Variants in TENM2 observed in about 807,000 individuals in gnomAD.
TENM2 encodes the protein teneurin transmembrane protein 2.
TENM2 carries 52 observed loss-of-function variants against 245.2 expected under a neutral mutation model. The observed-to-expected ratio is 0.21, with a 90% CI of 0.17 to 0.27. The LOEUF (loss-of-function observed/expected upper bound fraction) is 0.27. Among genes scored for constraint, TENM2 ranks in the 10% least tolerant of loss-of-function variants. The pLI is 1.00. For synonymous variants in TENM2, 1,363 were observed against 1,438.9 expected, an observed-to-expected ratio of 0.95 and a Z score of 1.19; for missense variants, 3,046 against 3,666.8, an observed-to-expected ratio of 0.83 and a Z score of 4.37.
intron 2 of TENM2, among the ~76,000 whole-genome samples, chr5:167,524,206 G>A (rs58573019): frequency 0.022 from 3,273 of 152,048 alleles, 137 homozygotes; most frequent in African/African-American, 0.075. Flanking sequence ...TAATACAAAG[G>A]GAGAAAATTG....
chr5:167,250,578 C>G, the TENM2 span, among the ~76,000 whole-genome samples: 1 of 151,918 alleles, frequency 6.6e-6, no homozygotes, highest in African/African-American at 2.4e-5. Context: ...ATGATTTTAT[C>G]TGATGGAGCT....
intron 2 of TENM2, among the ~76,000 whole-genome samples, chr5:167,848,155 C>A (rs1212595665): frequency 1.3e-5 from 2 of 152,160 alleles, no homozygotes. Context: ...CTTCAGTGGA[C>A]TACAATGAAT....
At chr5:168,115,156 T>A (rs1794955856) in intron 9 of TENM2, among the ~76,000 whole-genome samples, 1 of 152,004 alleles carries the variant, frequency 6.6e-6, no homozygotes, top group South Asian at 2.1e-4. Context: ...TAGCCGGGCA[T>A]GGTAGCAGGC....
In TENM2 at chr5:167,824,875, T is replaced by A. The variant is rs1403741679; in HGVS notation, c.503-51111T>A. Among the ~76,000 whole-genome samples, 3 of 152,308 alleles carry A rather than the reference T, an allele frequency of 2.0e-5. No homozygotes were observed. The East Asian group carries it at 5.8e-4, about 29-fold the overall frequency. Reference sequence around the variant, plus strand: ...CCCTGTGTGAGCCAAACTAACGCCATGTGCATGTTTCAGATGGAGTCTGGG... The same window carrying A: ...CCCTGTGTGAGCCAAACTAACGCCAAGTGCATGTTTCAGATGGAGTCTGGG... On this transcript the variant is annotated intron_variant, in intron 2 of 28. Coordinates refer to ENST00000518659, the Ensembl canonical transcript of TENM2.
rs1054684636 is a variant in TENM2 at position 168,227,788 on chromosome 5, A to AAAG, written c.5285-106_5285-104dup. 113 of 708,262 alleles carry AAAG rather than the reference A, an allele frequency of 1.6e-4. No individual in the cohort carries two copies. The African/African-American group carries it at 1.8e-3, about 11-fold the overall frequency. 43.9% of individuals were successfully genotyped at this position (708,262 alleles called of 1,614,324 possible). On this transcript the variant is annotated intron_variant, in intron 24 of 28. Coordinates refer to ENST00000518659, the Ensembl canonical transcript of TENM2. ...AAGGCAGCCTTCGACTAATGGCTGC[A>AAAG]AAGTACCATGGAAACCTATTAAAAA...
intron 2 of TENM2, among the ~76,000 whole-genome samples, chr5:167,524,227 C>A (rs1350301391): frequency 1.3e-5 from 2 of 152,024 alleles, no homozygotes; most frequent in Non-Finnish European, 2.9e-5. Context: ...TTGCAGGTGC[C>A]CAATCTGCCA....
chr5:167,006,689 G>A, the TENM2 span, among the ~76,000 whole-genome samples: 1 of 150,014 alleles, frequency 6.7e-6, no homozygotes, highest in Non-Finnish European at 1.5e-5. Flanking sequence ...TTTTTGAGGT[G>A]GAGTTTCACT....
chr5:167,189,475 CTCTTT>C, the TENM2 span, among the ~76,000 whole-genome samples: 1,043 of 152,030 alleles, frequency 6.9e-3, 13 homozygotes, highest in African/African-American at 0.023. Context: ...CTTCCTTTCT[CTCTTT>C]TCTTTTCTTT....
At chr5:167,382,320 C>T (rs970028697) in intron 2 of TENM2, among the ~76,000 whole-genome samples, 26 of 152,058 alleles carry the variant, frequency 1.7e-4, no homozygotes, top group African/African-American at 6.0e-4. Context: ...GACAATAAAG[C>T]GAAGGCTAGA....
At chr5:167,368,623 C>T (rs75528045) in intron 1 of TENM2, among the ~76,000 whole-genome samples, 4,430 of 152,172 alleles carry the variant, frequency 0.029, 121 homozygotes, top group African/African-American at 0.074. Context: ...TAGTAAGCCT[C>T]TTCTGACACT....
intron 2 of TENM2, among the ~76,000 whole-genome samples, chr5:167,643,742 C>T (rs992221437): frequency 8.5e-5 from 13 of 152,100 alleles, no homozygotes; most frequent in African/African-American, 1.9e-4. Context: ...ATAGATTATT[C>T]GAACCCTAAA....
chr5:167,492,852 A>G (rs1202714058), intron 2 of TENM2, among the ~76,000 whole-genome samples: 3 of 152,062 alleles, frequency 2.0e-5, no homozygotes, highest in Non-Finnish European at 4.4e-5. Flanking sequence ...GATTGATTAT[A>G]AAAAGGAATG....
chr5:167,881,883 GTACTT>G (rs1471552056), intron 3 of TENM2, among the ~76,000 whole-genome samples: 1 of 152,152 alleles, frequency 6.6e-6, no homozygotes, highest in African/African-American at 2.4e-5. Flanking sequence ...AGTATGCTAA[GTACTT>G]TACATGACTT....
At chr5:167,363,992 C>G (rs1278933220) in intron 1 of TENM2, among the ~76,000 whole-genome samples, 1 of 151,616 alleles carries the variant, frequency 6.6e-6, no homozygotes, top group Non-Finnish European at 1.5e-5. Flanking sequence ...AGTTCAAGCA[C>G]AATTAAAGAA....
At chr5:167,074,604 C>T in the TENM2 span, among the ~76,000 whole-genome samples, 9 of 152,270 alleles carry the variant, frequency 5.9e-5, no homozygotes, top group African/African-American at 1.9e-4. Flanking sequence ...GATAAAGGAA[C>T]GTTGACAGCA....
intron 2 of TENM2, among the ~76,000 whole-genome samples, chr5:167,820,424 C>A (rs1359450377): frequency 6.6e-6 from 1 of 152,136 alleles, no homozygotes; most frequent in Non-Finnish European, 1.5e-5. Context: ...CTGAAGCTCC[C>A]GGCTCCCGGC....
chr5:168,083,566 G>T (rs765858963), intron 7 of TENM2, among the ~76,000 whole-genome samples: 7 of 152,156 alleles, frequency 4.6e-5, no homozygotes, highest in Non-Finnish European at 7.4e-5. Flanking sequence ...TTCCTATTTG[G>T]CCATCTTGGA....
chr5:168,119,612 C>T (rs1795330163), intron 10 of TENM2, among the ~76,000 whole-genome samples: 1 of 152,076 alleles, frequency 6.6e-6, no homozygotes, highest in Non-Finnish European at 1.5e-5. Flanking sequence ...GAAGGTAAGA[C>T]CATAGACCCT....
intron 2 of TENM2, among the ~76,000 whole-genome samples, chr5:167,640,860 C>CATATAT (rs58985992): frequency 0.015 from 704 of 47,058 alleles, 45 homozygotes; most frequent in Non-Finnish European, 0.03. Context: ...TATATATATC[C>CATATAT]ATATATATAT....
Sources: allele counts gnomAD v4.1 joint callset (sites outside exome capture counted in the v4.1 genomes callset), GRCh38; gene constraint gnomAD v4.1.1; transcripts MANE v1.5; gene names NCBI Gene and HGNC (gene_info 2026-07-23, HGNC 2026-07-21).